NKAIN3: variants seen among roughly 807,000 people sequenced by gnomAD.
NKAIN3 encodes sodium/potassium transporting ATPase interacting 3.
Under a neutral mutation model 30.2 loss-of-function variants are expected in NKAIN3, and 25 were observed. The ratio of observed to expected loss-of-function variants is 0.83; its 90% CI spans 0.60 to 1.16. The LOEUF (loss-of-function observed/expected upper bound fraction) is 1.16. Ranked by LOEUF, NKAIN3 falls within the 50% of genes most tolerant of loss-of-function variation. The pLI is 0.00. For synonymous variants in NKAIN3, 91 were observed against 89.6 expected (o/e 1.02, Z -0.09); for missense variants, 225 against 254.1 (o/e 0.89, Z 0.78).
At chr8:62,346,003 G>A (rs7014020) in intron 1 of NKAIN3, among the ~76,000 whole-genome samples, 5,019 of 152,158 alleles carry the variant, frequency 0.033, 311 homozygotes, top group African/African-American at 0.11. Flanking sequence ...TCACTCTTGT[G>A]TGGAGTATAA....
At chr8:62,643,394 A>G (rs531128953) in intron 3 of NKAIN3, among the ~76,000 whole-genome samples, 2 of 152,120 alleles carry the variant, frequency 1.3e-5, no homozygotes, top group Non-Finnish European at 2.9e-5. Flanking sequence ...CTCCAAGAAA[A>G]TTGGCTAAAG....
chr8:62,920,771 CA>C (rs1822253452), intron 5 of NKAIN3, among the ~76,000 whole-genome samples: 1 of 152,176 alleles, frequency 6.6e-6, no homozygotes, highest in Admixed American at 6.5e-5. Flanking sequence ...CTTGTATTGT[CA>C]TCAATTCAAA....
intron 1 of NKAIN3, among the ~76,000 whole-genome samples, chr8:62,285,108 A>G (rs560754790): frequency 1.1e-4 from 16 of 152,248 alleles, no homozygotes; most frequent in African/African-American, 3.9e-4. Flanking sequence ...CATAAAACCA[A>G]TCCTTTAATC....
At chr8:62,800,316 C>T (rs952083226) in intron 4 of NKAIN3, among the ~76,000 whole-genome samples, 3 of 152,146 alleles carry the variant, frequency 2.0e-5, no homozygotes, top group Admixed American at 1.3e-4. Flanking sequence ...AATTATTACT[C>T]GTGGAGGGGT....
chr8:62,683,465 T>C (rs1317769123), intron 3 of NKAIN3, among the ~76,000 whole-genome samples: 1 of 152,156 alleles, frequency 6.6e-6, no homozygotes, highest in Non-Finnish European at 1.5e-5. Flanking sequence ...GGAAATGAGA[T>C]ATTATTAGCT....
intron 4 of NKAIN3, among the ~76,000 whole-genome samples, chr8:62,770,522 A>G (rs754295247): frequency 4.6e-5 from 7 of 152,318 alleles, no homozygotes; most frequent in Non-Finnish European, 1.0e-4. Flanking sequence ...TTCTATCATC[A>G]CATGGTAGAG....
intron 1 of NKAIN3, among the ~76,000 whole-genome samples, chr8:62,261,867 A>T (rs1013790417): frequency 5.9e-5 from 9 of 152,212 alleles, no homozygotes; most frequent in Non-Finnish European, 1.3e-4. Context: ...AGATATTAAT[A>T]TATTCTCTTT....
intron 4 of NKAIN3, among the ~76,000 whole-genome samples, chr8:62,818,873 G>C (rs1363958914): frequency 1.3e-5 from 2 of 151,872 alleles, no homozygotes; most frequent in Non-Finnish European, 2.9e-5. Context: ...TAACTGGCCT[G>C]ATTTCTTACA....
At chr8:62,441,526 T>C (rs551177194) in intron 1 of NKAIN3, among the ~76,000 whole-genome samples, 5 of 151,898 alleles carry the variant, frequency 3.3e-5, no homozygotes, top group South Asian at 2.1e-4. Context: ...TCTTGTGAGT[T>C]TTAATATTAT....
intron 1 of NKAIN3, among the ~76,000 whole-genome samples, chr8:62,569,548 G>A (rs1397552688): frequency 6.6e-6 from 1 of 152,066 alleles, no homozygotes; most frequent in Non-Finnish European, 1.5e-5. Flanking sequence ...GGCTGAGTTG[G>A]GCAGATTATT....
chr8:62,589,357 A>G (rs1810580722), intron 2 of NKAIN3, among the ~76,000 whole-genome samples: 1 of 151,744 alleles, frequency 6.6e-6, no homozygotes, highest in Admixed American at 6.6e-5. Flanking sequence ...TTATACTGTA[A>G]CTTAAAGATG....
chr8:62,891,679 A>G (rs1821301455), intron 4 of NKAIN3, among the ~76,000 whole-genome samples: 1 of 152,202 alleles, frequency 6.6e-6, no homozygotes, highest in Non-Finnish European at 1.5e-5. Context: ...GAACAGAGAC[A>G]AAATTCCTTC....
chr8:62,885,127 A>T lies in NKAIN3; in HGVS notation c.472-33326A>T, dbSNP rs1821106957. On this transcript the variant is annotated intron_variant, in intron 4 of 6. Transcript: ENST00000623646. Reference sequence around the variant, plus strand: ...ATCTAATGTTTGTATTCAATGCTATACAGTTCTCTTTAAGCAGTGCTTTCT... The same window carrying T: ...ATCTAATGTTTGTATTCAATGCTATTCAGTTCTCTTTAAGCAGTGCTTTCT... Among the ~76,000 whole-genome samples, 3 of 152,156 alleles carry T rather than the reference A, an allele frequency of 2.0e-5. No homozygotes were observed. In the South Asian group the frequency reaches 6.2e-4, roughly 31 times the overall value.
chr8:62,321,237 A>AT (rs893558632), intron 1 of NKAIN3, among the ~76,000 whole-genome samples: 1 of 151,780 alleles, frequency 6.6e-6, no homozygotes, highest in Non-Finnish European at 1.5e-5. Context: ...CATTCATCTA[A>AT]TTTTTTTTCA....
At chr8:62,336,839 G>A (rs1815567748) in intron 1 of NKAIN3, among the ~76,000 whole-genome samples, 1 of 152,026 alleles carries the variant, frequency 6.6e-6, no homozygotes, top group African/African-American at 2.4e-5. Flanking sequence ...AGTCAGCAAA[G>A]TTTTTTGGTG....
At chr8:62,720,266 A>G (rs576051177) in intron 3 of NKAIN3, among the ~76,000 whole-genome samples, 1 of 152,196 alleles carries the variant, frequency 6.6e-6, no homozygotes, top group Non-Finnish European at 1.5e-5. Context: ...ATATTTTATG[A>G]TGATTACCTT....
chr8:62,856,413 C>T (rs919453950), intron 4 of NKAIN3: 2 of 797,408 alleles, frequency 2.5e-6, no homozygotes, highest in African/African-American at 1.7e-5. Flanking sequence ...CCCTGAGGTC[C>T]TCATCCTCTG....
intron 5 of NKAIN3, among the ~76,000 whole-genome samples, chr8:62,920,574 C>T (rs543521833): frequency 4.6e-5 from 7 of 152,304 alleles, no homozygotes; most frequent in South Asian, 2.1e-4. Flanking sequence ...CAGATATCGT[C>T]GTTCCATTGA....
chr8:62,806,394 T>G (rs897519763), intron 4 of NKAIN3, among the ~76,000 whole-genome samples: 21 of 152,136 alleles, frequency 1.4e-4, no homozygotes, highest in Admixed American at 1.2e-3. Context: ...GCAAGGACTT[T>G]GAACCAACCC....
Sources: gnomAD v4.1 joint callset for allele counts (sites outside exome capture counted in the v4.1 genomes callset) on GRCh38, gnomAD v4.1.1 for gene constraint, MANE v1.5 for transcripts, NCBI Gene and HGNC (gene_info 2026-07-23, HGNC 2026-07-21) for gene names.